FGFR4: variants seen among roughly 807,000 people sequenced by gnomAD.
FGFR4 encodes hydroxyaryl-protein kinase.
FGFR4 carries 63 observed loss-of-function variants against 89.9 expected under a neutral mutation model. The observed-to-expected ratio is 0.70, with a 90% CI of 0.57 to 0.86. The LOEUF is 0.86. FGFR4 is among the 40% of genes least tolerant of loss of function. The pLI is 0.00. For synonymous variants in FGFR4, 486 were observed against 479.4 expected, an observed-to-expected ratio of 1.01 and a Z score of -0.18; for missense variants, 928 against 1,106.7, an observed-to-expected ratio of 0.84 and a Z score of 2.29.
intron 1 of FGFR4, chr5:177,088,533 G>A (rs1329277548): frequency 1.6e-5 from 3 of 182,966 alleles, no homozygotes; most frequent in South Asian, 2.0e-4. Context: ...GGCTTCCCAC[G>A]CAGGGTAGAT....
chr5:177,090,229 G>T, intron 2 of FGFR4, 161 bp from the exon 3 acceptor site: 1 of 998,474 alleles, frequency 1.0e-6, no homozygotes, highest in South Asian at 1.3e-5. Context: ...CCCTGGGTGT[G>T]GCATCCGCAG....
chr5:177,092,546 T>C, intron 7 of FGFR4, 35 bp downstream of exon 7: 1 of 1,564,002 alleles, frequency 6.4e-7, no homozygotes, highest in Non-Finnish European at 8.7e-7. Flanking sequence ...CTGGGCCCCA[T>C]TCTTCTCCCA....
At chr5:177,094,542 C>T (rs1406295946) in intron 11 of FGFR4, among the ~76,000 whole-genome samples, 3 of 151,842 alleles carry the variant, frequency 2.0e-5, no homozygotes, top group African/African-American at 7.3e-5. Context: ...CCTAGGTCTG[C>T]CCCCCACGTC....
At position 177,097,748 on chromosome 5, in the gene FGFR4, A is replaced by G; in HGVS notation, c.*72A>G. The G allele has an allele frequency of 1.3e-6, 2 of 1,550,558 alleles. No individual in the cohort carries two copies. Among genetic ancestry groups the G allele is most frequent in the South Asian group, 1.2e-5 (1 of 83,686 alleles). On this transcript the variant is annotated 3_prime_UTR_variant, in exon 18 of 18. Transcript: ENST00000292408. Reference sequence around the variant, plus strand: ...TTGGGGCTCAGCCACAGCCTGACACAGTGCTCGACCTTGATAGCATGGGGC... The same window carrying G: ...TTGGGGCTCAGCCACAGCCTGACACGGTGCTCGACCTTGATAGCATGGGGC...
chr5:177,087,509 C>A lies in FGFR4; in HGVS notation c.-54+432C>A. 1 of 920,068 alleles carries A rather than the reference C, an allele frequency of 1.1e-6. No individual in the cohort carries two copies. Among genetic ancestry groups the A allele is most frequent in the Non-Finnish European group, 1.3e-6 (1 of 770,316 alleles). The allele number at this position is 920,068 out of a possible 1,614,324, so 57.0% of individuals were successfully genotyped here. A position where few individuals can be genotyped will look rare whatever the true frequency, so the allele number is the denominator to read the frequency against. On this transcript the variant is annotated intron_variant, in intron 1 of 17. Transcript: ENST00000292408. The surrounding 1 kb of genome is among the most constrained non-coding windows in gnomAD (Gnocchi z 6.1). ...GGGCCTCCAGCGCGAGTGCGGGAGGCTGAAGGAGAACCCAGGACTGTCTGA... is the reference window on the plus strand; with the variant it reads ...GGGCCTCCAGCGCGAGTGCGGGAGGATGAAGGAGAACCCAGGACTGTCTGA...
At position 177,095,759 on chromosome 5, in the gene FGFR4, C is replaced by G. The variant is rs373301672; in HGVS notation, c.1821+36C>G. 212 of 1,519,592 alleles carry G rather than the reference C, an allele frequency of 1.4e-4. No individual in the cohort carries two copies. The highest frequency in any genetic ancestry group is 1.9e-4 in the Non-Finnish European group (211 of 1,134,760). The allele number at this position is 1,519,592 out of a possible 1,614,324, so 94.1% of individuals were successfully genotyped here. A position where few individuals can be genotyped will look rare whatever the true frequency, so the allele number is the denominator to read the frequency against. The stretch of plus-strand genomic sequence containing the variant: ...TAGGGCTCTGAGCCCCTCTCAGTCT[C>G]TCCAGCTCCACTCTCAGGCCTGTGG... On this transcript the variant is annotated intron_variant, in intron 13 of 17. Coordinates refer to ENST00000292408, the MANE Select transcript of FGFR4 (RefSeq NM_213647.3). This position sits in a 1 kb window ranked among gnomAD's most constrained non-coding sequence, Gnocchi z 5.7.
At chr5:177,096,962 CTGCTCCTCTTCCTCCTCCTTCTCT>C (rs1784606417) in intron 16 of FGFR4, among the ~76,000 whole-genome samples, 3 of 50,930 alleles carry the variant, frequency 5.9e-5, no homozygotes, top group East Asian at 1.1e-3. Flanking sequence ...CCTTCTCCTC[CTGCTCCTCTTCCTCCTCCTTCTCT>C]TCCTCCTCCT....
In FGFR4 at chr5:177,097,418, C is replaced by G. The variant is rs373653542; in HGVS notation, c.2259+21C>G. ...AGGAGGTACAGCCCCTCCCACCCAC[C>G]ACCTCCCTCTGCCTGCTCCCCTCCA... On this transcript the variant is annotated intron_variant, in intron 17 of 17. Transcript: ENST00000292408. 9.3e-6 allele frequency: 15 copies of G among 1,608,236 alleles called. No homozygotes were observed. In the Admixed American group the frequency reaches 1.2e-4, roughly 13 times the overall value.
At position 177,087,303 on chromosome 5, in the gene FGFR4, C is replaced by G. The variant is rs142282872; in HGVS notation, c.-54+226C>G. Reference sequence around the variant, plus strand: ...GCGGAGCTGGTTACTCATTGCCCACCGAGGCGGGGGCAGGCTGGCCCTGTG... The same window carrying G: ...GCGGAGCTGGTTACTCATTGCCCACGGAGGCGGGGGCAGGCTGGCCCTGTG... On this transcript the variant is annotated intron_variant, in intron 1 of 17. Transcript: ENST00000292408. This position sits in a 1 kb window ranked among gnomAD's most constrained non-coding sequence, Gnocchi z 6.1. 6.6e-6 allele frequency: 1 copy of G among 152,436 alleles called. No individual in the cohort carries two copies. Among genetic ancestry groups the G allele is most frequent in the African/African-American group, 2.4e-5 (1 of 41,440 alleles). The allele number at this position is 152,436 out of a possible 1,614,324, so 9.4% of individuals were successfully genotyped here.
chr5:177,097,231 G>T, intron 16 of FGFR4, 61 bp from the exon 17 acceptor site: 1 of 1,399,622 alleles, frequency 7.1e-7, no homozygotes, highest in Non-Finnish European at 9.7e-7. Context: ...AGAACCCCCG[G>T]TCCTCCCCTT....
chr5:177,096,905 T>TCC (rs1784597476), intron 16 of FGFR4, among the ~76,000 whole-genome samples, 164 bp downstream of exon 16: 1 of 15,486 alleles, frequency 6.5e-5, no homozygotes, highest in African/African-American at 2.7e-4. Context: ...CCTCCTCCTC[T>TCC]TCCTCCTCCT....
intron 4 of FGFR4, 49 bp downstream of exon 4, chr5:177,090,874 ACT>A (rs1475538886): frequency 3.7e-6 from 6 of 1,613,928 alleles, no homozygotes; most frequent in African/African-American, 1.3e-5. Context: ...TCATCTGATC[ACT>A]GAGAAGAGGA....
In FGFR4 at chr5:177,090,751, T is replaced by C; in HGVS notation, c.362T>C (p.Leu121Ser). The change falls in exon 4 of 18, where the codon TTG (leucine) becomes TCG (serine). Residue 121 changes from leucine (L) to serine (S), a missense_variant. Around this residue, in one of 5 missense-constraint regions of FGFR4, gnomAD observed 741 missense variants for 836.9 expected, o/e 0.89. Coordinates refer to ENST00000292408, the MANE Select transcript of FGFR4 (RefSeq NM_213647.3). The part of the protein sequence containing the change: ...QNLTLITGDS[L>S]TSSNDDEDPK... Reference sequence around the variant, plus strand: ...CCCTCTGTCCCTGATGTAGACTCCTTGACCTCCAGCAACGATGATGAGGAC... The same window carrying C: ...CCCTCTGTCCCTGATGTAGACTCCTCGACCTCCAGCAACGATGATGAGGAC... The C allele has an allele frequency of 6.2e-7, 1 of 1,606,172 alleles. No individual in the cohort carries two copies. Among genetic ancestry groups the C allele is most frequent in the Non-Finnish European group, 8.5e-7 (1 of 1,174,922 alleles).
At chr5:177,091,953 G>A in intron 6 of FGFR4, 145 bp downstream of exon 6, 1 of 1,077,518 alleles carries the variant, frequency 9.3e-7, no homozygotes, top group Non-Finnish European at 1.4e-6. Context: ...AAGCACAGGG[G>A]TTAGTGTGGG....
chr5:177,096,932 TTCCTCCTCC>T (rs1209095983), intron 16 of FGFR4, among the ~76,000 whole-genome samples, 191 bp downstream of exon 16: 1 of 18,868 alleles, frequency 5.3e-5, no homozygotes, highest in African/African-American at 2.2e-4. Flanking sequence ...CCTCCTCCTC[TTCCTCCTCC>T]TCCTCTTCCT....
In FGFR4 at chr5:177,095,287, C is replaced by T. The variant is rs775192069; in HGVS notation, c.1520-43C>T. ...ACCTGCCTCTGCATGCTCCCTCGTG[C>T]AGTTGGAGGGCAGCCTCTTCACCCC... On this transcript the variant is annotated intron_variant, in intron 11 of 17. Transcript: ENST00000292408. The surrounding 1 kb of genome is among the most constrained non-coding windows in gnomAD (Gnocchi z 5.7). 6.6e-7 allele frequency: 1 copy of T among 1,521,094 alleles called. No homozygotes were observed. Among genetic ancestry groups the T allele is most frequent in the Non-Finnish European group, 9.1e-7 (1 of 1,095,730 alleles). 94.2% of individuals were successfully genotyped at this position (1,521,094 alleles called of 1,614,324 possible).
intron 17 of FGFR4, 39 bp downstream of exon 17, chr5:177,097,436 C>T: frequency 6.3e-7 from 1 of 1,599,530 alleles, no homozygotes; most frequent in Non-Finnish European, 8.5e-7. Flanking sequence ...TCTGCCTGCT[C>T]CCCTCCAGGC....
chr5:177,096,485 G>C (rs1175803449), intron 15 of FGFR4, 119 bp from the exon 16 acceptor site: 1 of 1,527,128 alleles, frequency 6.5e-7, no homozygotes, highest in Non-Finnish European at 8.9e-7. Context: ...AGTGGGCCCA[G>C]ACTCCAGGAG....
Position 177,093,847 on chromosome 5 carries a change from G to C in FGFR4, c.1519+72G>C. On this transcript the variant is annotated intron_variant, in intron 11 of 17. Transcript: ENST00000292408. This position sits in a 1 kb window ranked among gnomAD's most constrained non-coding sequence, Gnocchi z 5.8. ...TTAGGAGGCTGAGGGTGGGAGGATC[G>C]CTTGAATCCAGGAATTCGAGGCCAG... 1.3e-6 allele frequency: 2 copies of C among 1,514,960 alleles called. No individual in the cohort carries two copies. The highest frequency in any genetic ancestry group is 1.8e-6 in the Non-Finnish European group (2 of 1,120,274). 93.8% of individuals were successfully genotyped at this position (1,514,960 alleles called of 1,614,324 possible).
Sources: allele counts gnomAD v4.1 joint callset (sites outside exome capture counted in the v4.1 genomes callset), GRCh38; gene constraint gnomAD v4.1.1; regional missense constraint gnomAD v4.1.1; non-coding constraint Gnocchi (gnomAD v3.1); transcripts MANE v1.5; gene names NCBI Gene and HGNC (gene_info 2026-07-23, HGNC 2026-07-21).